Variants in ANK2 observed in about 807,000 individuals in gnomAD.
ANK2 encodes ankyrin-2.
ANK2 carries 83 observed loss-of-function variants against 360.5 expected under a neutral mutation model. The observed-to-expected ratio is 0.23, with a 90% CI of 0.19 to 0.28. The LOEUF (loss-of-function observed/expected upper bound fraction) is 0.28, where lower values mean the gene tolerates loss of function less well. ANK2 is among the 10% of genes least tolerant of loss of function. The probability of loss-of-function intolerance (pLI) is 1.00; values close to 1 mark genes in which losing one functional copy is unlikely to be tolerated. For missense variants in ANK2, 4,201 were observed against 4,795.7 expected, an observed-to-expected ratio of 0.88 and a Z score of 3.66; for synonymous variants, 1,740 against 1,759.5, an observed-to-expected ratio of 0.99 and a Z score of 0.28.
At chr4:113,218,369 A>G (rs1435806273) in intron 4 of ANK2, among the ~76,000 whole-genome samples, 1 of 151,788 alleles carries the variant, frequency 6.6e-6, no homozygotes, top group African/African-American at 2.4e-5. Flanking sequence ...ATGTGTCAGT[A>G]TATTTGTGTC....
the ANK2 span, among the ~76,000 whole-genome samples, chr4:112,733,659 A>G: frequency 6.6e-6 from 1 of 152,234 alleles, no homozygotes; most frequent in Non-Finnish European, 1.5e-5. Flanking sequence ...TCTTCAATTC[A>G]ATTCAACAAT....
chr4:113,383,504 A>G lies in ANK2; in HGVS notation c.*2033A>G, dbSNP rs1006363355. 3 of 152,638 alleles carry G rather than the reference A, an allele frequency of 2.0e-5. No homozygotes were observed. The highest frequency in any genetic ancestry group is 7.2e-5 in the African/African-American group (3 of 41,446). The allele number at this position is 152,638 out of a possible 1,614,324, so 9.5% of individuals were successfully genotyped here. A position where few individuals can be genotyped will look rare whatever the true frequency, so the allele number is the denominator to read the frequency against. ...CTGTGTAACAACATAATGGTTATTC[A>G]CCTTTTTTTGATTTTGATTTTTGCT... On this transcript the variant is annotated 3_prime_UTR_variant, in exon 46 of 46. Coordinates refer to ENST00000357077, the MANE Select transcript of ANK2 (RefSeq NM_001148.6).
chr4:112,832,623 T>C lies in ANK2; in HGVS notation c.-40+14359T>C, dbSNP rs1214709944. Among the ~76,000 whole-genome samples, 4 of 152,202 alleles carry C rather than the reference T, an allele frequency of 2.6e-5. No homozygotes were observed. The East Asian group carries it at 5.8e-4, about 22-fold the overall frequency. On this transcript the variant is annotated intron_variant, in intron 1 of 30. Transcript: ENST00000503271. ...TGCCTCATCCTGATATTGTATGATA[T>C]TCAATTTCAGAATAAACTAAGTCCT... is the stretch of plus-strand genomic sequence containing the variant.
In ANK2 at chr4:112,990,146, G is replaced by C. The variant is rs867731091; in HGVS notation, c.21+85632G>C. 8.7e-4 allele frequency among the ~76,000 whole-genome samples: 132 copies of C among 152,170 alleles called. 2 individuals carry two copies. The Middle Eastern group carries it at 0.014, about 16-fold the overall frequency. On this transcript the variant is annotated intron_variant, in intron 2 of 30. Coordinates refer to the ANK2 transcript ENST00000503271. ...TACCTGGGCATAGTGGCACATTCCT[G>C]TAGTCTCAGCTACTCAGGAGGCTGA...
intron 1 of ANK2, among the ~76,000 whole-genome samples, chr4:113,095,567 T>G (rs2090644571): frequency 6.6e-6 from 1 of 152,214 alleles, no homozygotes; most frequent in East Asian, 1.9e-4. Context: ...TCTTTCTTTC[T>G]ATTATTCTAT....
chr4:113,031,671 A>T (rs959530345), intron 2 of ANK2, among the ~76,000 whole-genome samples: 1 of 139,500 alleles, frequency 7.2e-6, no homozygotes, highest in African/African-American at 2.7e-5. Flanking sequence ...TTCTTTTGTT[A>T]TCAGGATGGG....
rs1276642800 is a variant in ANK2 at position 113,311,346 on chromosome 4, C to T, written c.2640C>T (p.Phe880=). Residue 880 remains phenylalanine (F), a synonymous_variant, in exon 24 of 46, where the codon TTC becomes TTT. Transcript: ENST00000357077. ...ATGACTCACTACCCAGCAGTCAGTT[C>T]CTGGATGGTATGAATTACCTGCGAT... ...LGDDSLPSSQ[F]LDGMNYLRYS... is the part of the protein sequence containing the mutation. The T allele has an allele frequency of 1.9e-6, 3 of 1,614,064 alleles. No individual in the cohort carries two copies. Among genetic ancestry groups the T allele is most frequent in the Non-Finnish European group, 2.5e-6 (3 of 1,180,004 alleles).
At chr4:112,985,438 GTC>G (rs1185010708) in intron 2 of ANK2, among the ~76,000 whole-genome samples, 1 of 152,220 alleles carries the variant, frequency 6.6e-6, no homozygotes, top group Non-Finnish European at 1.5e-5. Context: ...TTCTAGGGAA[GTC>G]TCTCTCATAG....
the ANK2 span, chr4:112,787,956 T>C: frequency 5.0e-5 from 31 of 625,060 alleles, 1 homozygote; most frequent in Middle Eastern, 8.6e-4. Flanking sequence ...ATGATCATTA[T>C]ATGATCATTA....
intron 45 of ANK2, among the ~76,000 whole-genome samples, chr4:113,377,733 T>C (rs1278675990): frequency 6.6e-6 from 1 of 152,212 alleles, no homozygotes; most frequent in Non-Finnish European, 1.5e-5. Context: ...ATGAATTATC[T>C]GTGTTATACC....
At chr4:112,773,634 A>G in the ANK2 span, among the ~76,000 whole-genome samples, 5 of 152,298 alleles carry the variant, frequency 3.3e-5, no homozygotes, top group Admixed American at 6.5e-5. Context: ...TGCTGCTCTG[A>G]GGAAATAGAG....
At chr4:112,827,518 A>G in intron 1 of ANK2, 4 of 1,213,164 alleles carry the variant, frequency 3.3e-6, no homozygotes, top group South Asian at 2.4e-5. Context: ...AAGAATCACA[A>G]GAATCTGCCT....
At chr4:113,292,541 C>T (rs1275978011) in intron 21 of ANK2, 27 bp downstream of exon 21, 1 of 1,563,488 alleles carries the variant, frequency 6.4e-7, no homozygotes, top group Non-Finnish European at 8.7e-7. Context: ...TGCCCCTCAC[C>T]ACGCTTTCTT....
the ANK2 span, among the ~76,000 whole-genome samples, chr4:112,750,430 C>T: frequency 3.3e-5 from 5 of 152,086 alleles, no homozygotes; most frequent in Non-Finnish European, 7.4e-5. Flanking sequence ...TGTTTAGATA[C>T]ACAAATACTT....
intron 7 of ANK2, 100 bp from the exon 8 acceptor site, chr4:113,240,385 A>G: frequency 4.7e-6 from 4 of 857,900 alleles, no homozygotes; most frequent in Admixed American, 3.6e-5. Context: ...TTGCTTATAT[A>G]TTAGGTAGAC....
At chr4:113,145,718 G>A in intron 1 of ANK2, 7 of 1,144,382 alleles carry the variant, frequency 6.1e-6, no homozygotes, top group Non-Finnish European at 7.6e-6. Context: ...CTAGCAGATG[G>A]GGAGAACTGG....
intron 2 of ANK2, among the ~76,000 whole-genome samples, chr4:112,913,911 A>G (rs755032506): frequency 1.3e-5 from 2 of 152,176 alleles, no homozygotes; most frequent in Admixed American, 1.3e-4. Context: ...ATAACTTTTC[A>G]TGGATATTCA....
At chr4:112,898,083 G>A (rs1306151532) in intron 1 of ANK2, among the ~76,000 whole-genome samples, 6 of 152,076 alleles carry the variant, frequency 3.9e-5, no homozygotes, top group South Asian at 2.1e-4. Context: ...AACATTGTAC[G>A]TTTATAGAAA....
intron 2 of ANK2, among the ~76,000 whole-genome samples, chr4:112,970,053 G>A (rs938937656): frequency 3.3e-5 from 5 of 151,478 alleles, no homozygotes; most frequent in Non-Finnish European, 7.4e-5. Flanking sequence ...GTGCTATCTC[G>A]GCTCACTGCA....
Sources: gnomAD v4.1 joint callset for allele counts (sites outside exome capture counted in the v4.1 genomes callset) on GRCh38, gnomAD v4.1.1 for gene constraint, MANE v1.5 for transcripts, NCBI Gene and HGNC (gene_info 2026-07-23, HGNC 2026-07-21) for gene names.